Variants in RARB observed in about 807,000 individuals in gnomAD.
RARB encodes retinoic acid receptor beta, also known as HBV-activated protein.
Under a neutral mutation model 51.9 loss-of-function variants are expected in RARB, and 17 were observed. The ratio of observed to expected loss-of-function variants is 0.33; its 90% CI spans 0.22 to 0.49. The LOEUF is 0.49. Ranked by LOEUF, RARB falls within the 20% of genes least tolerant of loss-of-function variation. RARB has a pLI of 0.99. For missense variants in RARB, 369 were observed against 550.8 expected (o/e 0.67, Z 3.30); for synonymous variants, 215 against 195.4 (o/e 1.10, Z -0.84).
intron 2 of RARB, among the ~76,000 whole-genome samples, chr3:25,040,863 G>C (rs188351990): frequency 2.6e-5 from 4 of 152,290 alleles, no homozygotes; most frequent in African/African-American, 7.2e-5. Flanking sequence ...GAGGTGGATA[G>C]GCTGCCTGGT....
intron 5 of RARB, among the ~76,000 whole-genome samples, chr3:25,216,667 C>T (rs2196464): frequency 0.74 from 112,560 of 151,384 alleles, 42,227 homozygotes; most frequent in East Asian, 0.81. Flanking sequence ...ATACTTATTG[C>T]AACAAATCTG....
chr3:25,058,826 G>A (rs907323966), intron 2 of RARB, among the ~76,000 whole-genome samples: 5 of 151,288 alleles, frequency 3.3e-5, no homozygotes, highest in Admixed American at 6.6e-5. Flanking sequence ...GATTTGACAG[G>A]TCCCTATGAG....
chr3:25,540,579 A>T (rs1334781109), intron 3 of RARB, among the ~76,000 whole-genome samples: 1 of 152,190 alleles, frequency 6.6e-6, no homozygotes, highest in African/African-American at 2.4e-5. Flanking sequence ...CCTGGTAACC[A>T]GATTGCATAT....
intron 5 of RARB, among the ~76,000 whole-genome samples, chr3:25,201,917 C>T (rs189303216): frequency 6.6e-6 from 1 of 152,168 alleles, no homozygotes; most frequent in East Asian, 1.9e-4. Flanking sequence ...TTCTTTCTGC[C>T]AGGCTTTGGT....
At chr3:24,961,874 C>T (rs893863549) in intron 2 of RARB, among the ~76,000 whole-genome samples, 8 of 147,432 alleles carry the variant, frequency 5.4e-5, no homozygotes, top group Non-Finnish European at 1.0e-4. Context: ...TAAGTGCGTA[C>T]GTGAGAAAAA....
At chr3:24,879,891 ATATT>A (rs2125355830) in intron 2 of RARB, among the ~76,000 whole-genome samples, 1 of 152,180 alleles carries the variant, frequency 6.6e-6, no homozygotes, top group African/African-American at 2.4e-5. Context: ...CATTTTGAGA[ATATT>A]TATTCAGGGA....
At position 25,326,828 on chromosome 3, in the gene RARB, A is replaced by AT. The variant is rs58932403; in HGVS notation, c.179-134354dup. Among the ~76,000 whole-genome samples the AT allele has an allele frequency of 3.1e-4, 47 of 150,890 alleles. 1 individual carries two copies. The highest frequency in any genetic ancestry group is 2.2e-4 in the African/African-American group (9 of 41,100). On this transcript the variant is annotated intron_variant, in intron 5 of 11. Transcript: ENST00000383772. ...AAATGTAGGATAAAAAGACACAGGG[A>AT]TTTTTTTTTTTAATTTTATTATTAT...
intron 1 of RARB, 62 bp from the exon 2 acceptor site, chr3:25,461,131 A>G: frequency 6.7e-7 from 1 of 1,491,374 alleles, no homozygotes; most frequent in East Asian, 2.4e-5. Context: ...TCACTGTTGA[A>G]AAAAGTAATG....
intron 2 of RARB, 74 bp from the exon 3 acceptor site, chr3:25,501,108 G>A (rs1697289526): frequency 6.7e-7 from 1 of 1,493,690 alleles, no homozygotes; most frequent in Admixed American, 2.5e-5. Context: ...TTAATGCATT[G>A]ATAAGGTTGG....
At chr3:25,394,585 G>A (rs1444545053) in intron 5 of RARB, among the ~76,000 whole-genome samples, 4 of 152,092 alleles carry the variant, frequency 2.6e-5, no homozygotes, top group Non-Finnish European at 5.9e-5. Context: ...GAGCTCCAGT[G>A]TTAGAGGCAT....
chr3:25,409,665 A>T (rs1707508889), intron 5 of RARB, among the ~76,000 whole-genome samples: 1 of 152,226 alleles, frequency 6.6e-6, no homozygotes, highest in Admixed American at 6.5e-5. Flanking sequence ...CTGCAAAATT[A>T]TTACAAAGGA....
chr3:25,268,094 CA>C (rs1489139359), intron 5 of RARB, among the ~76,000 whole-genome samples: 2 of 152,120 alleles, frequency 1.3e-5, no homozygotes, highest in East Asian at 1.9e-4. Flanking sequence ...TCTTCCCAAA[CA>C]AAAAAAGTGC....
chr3:24,852,352 TC>T (rs746734661), intron 1 of RARB, among the ~76,000 whole-genome samples: 5 of 152,092 alleles, frequency 3.3e-5, no homozygotes, highest in Non-Finnish European at 5.9e-5. Flanking sequence ...ACCTAACAAA[TC>T]AGAAACTCTG....
At chr3:25,460,653 G>A (rs898939713) in intron 1 of RARB, among the ~76,000 whole-genome samples, 1 of 151,950 alleles carries the variant, frequency 6.6e-6, no homozygotes, top group Non-Finnish European at 1.5e-5. Context: ...TCACCATGCT[G>A]GCCAGGCTGG....
intron 2 of RARB, among the ~76,000 whole-genome samples, chr3:25,046,937 C>T (rs1171315273): frequency 1.3e-5 from 2 of 152,180 alleles, no homozygotes; most frequent in Non-Finnish European, 2.9e-5. Flanking sequence ...CTCAGGAACA[C>T]TTATTTCCTA....
intron 1 of RARB, among the ~76,000 whole-genome samples, chr3:25,434,730 T>C (rs1482795100): frequency 2.0e-5 from 3 of 151,666 alleles, no homozygotes; most frequent in Non-Finnish European, 2.9e-5. Context: ...TTAGTAGAGA[T>C]GGGGTTTCAC....
At chr3:25,035,154 C>T (rs943251870) in intron 2 of RARB, among the ~76,000 whole-genome samples, 3 of 152,158 alleles carry the variant, frequency 2.0e-5, no homozygotes, top group Admixed American at 2.0e-4. Flanking sequence ...CAGGGTCTTA[C>T]TCTATCACTC....
intron 2 of RARB, among the ~76,000 whole-genome samples, chr3:24,937,542 G>A (rs1353608131): frequency 6.6e-6 from 1 of 152,102 alleles, no homozygotes; most frequent in Non-Finnish European, 1.5e-5. Flanking sequence ...CAAATCCTAG[G>A]GCCTGGACTG....
chr3:25,242,013 G>A (rs545490155), intron 5 of RARB, among the ~76,000 whole-genome samples: 7 of 152,186 alleles, frequency 4.6e-5, no homozygotes, highest in Admixed American at 2.6e-4. Context: ...TTTAACTGGC[G>A]TGAGATGGTA....
Sources: allele counts gnomAD v4.1 joint callset (sites outside exome capture counted in the v4.1 genomes callset), GRCh38; gene constraint gnomAD v4.1.1; transcripts MANE v1.5; gene names NCBI Gene and HGNC (gene_info 2026-07-23, HGNC 2026-07-21).